The following PARD3B variants were observed in gnomAD, a reference collection of about 807,000 sequenced individuals.
The protein encoded by PARD3B is par-3 family cell polarity regulator beta.
Under a neutral mutation model 130.2 loss-of-function variants are expected in PARD3B, and 103 were observed. The ratio of observed to expected loss-of-function variants is 0.79; its 90% CI spans 0.67 to 0.93. The LOEUF (loss-of-function observed/expected upper bound fraction) is 0.93, where lower values mean the gene tolerates loss of function less well. Among genes scored for constraint, PARD3B ranks in the 40% least tolerant of loss-of-function variants. PARD3B has a pLI of 0.00. For synonymous variants in PARD3B, 583 were observed against 553.2 expected, an observed-to-expected ratio of 1.05 and a Z score of -0.76; for missense variants, 1,609 against 1,499.2, an observed-to-expected ratio of 1.07 and a Z score of -1.21.
At chr2:205,161,630 T>G (rs2034511640) in intron 11 of PARD3B, among the ~76,000 whole-genome samples, 1 of 152,242 alleles carries the variant, frequency 6.6e-6, no homozygotes, top group South Asian at 2.1e-4. Flanking sequence ...AAAATTGTTT[T>G]GAGACTTTGT....
intron 20 of PARD3B, among the ~76,000 whole-genome samples, chr2:205,498,211 A>C (rs1180847302): frequency 1.3e-5 from 2 of 150,302 alleles, no homozygotes. Context: ...AAAAAAAAAA[A>C]AAAAAACAGG....
rs540235001 is a variant in PARD3B, at chr2:205,070,159, A to G, written c.504+22469A>G. On this transcript the variant is annotated intron_variant, in intron 4 of 22. Coordinates refer to ENST00000406610, the MANE Select transcript of PARD3B (RefSeq NM_001302769.2). ...TCATTCTCAGCCCTGTTGCTTAGTG[A>G]GTGGTCTGCAAAAGGACCCTACTTG... Among the ~76,000 whole-genome samples the G allele has an allele frequency of 3.3e-5, 5 of 152,136 alleles. No individual in the cohort carries two copies. In the South Asian group the frequency reaches 1.0e-3, roughly 32 times the overall value.
chr2:205,202,964 AG>A (rs1181742998), intron 15 of PARD3B, among the ~76,000 whole-genome samples: 1 of 152,148 alleles, frequency 6.6e-6, no homozygotes, highest in East Asian at 1.9e-4. Flanking sequence ...TATATCCTTA[AG>A]TCAATAATGG....
chr2:204,676,828 C>A (rs1345202402), intron 1 of PARD3B, among the ~76,000 whole-genome samples: 1 of 151,950 alleles, frequency 6.6e-6, no homozygotes, highest in African/African-American at 2.4e-5. Context: ...TGCCACCACG[C>A]CCAGCTAATT....
intron 1 of PARD3B, among the ~76,000 whole-genome samples, chr2:204,628,796 A>C (rs2034576341): frequency 1.3e-5 from 2 of 152,306 alleles, no homozygotes; most frequent in East Asian, 3.9e-4. Flanking sequence ...TTATCTGTAG[A>C]TGGGAAATGA....
chr2:204,842,590 G>A (rs1025589468), intron 2 of PARD3B, among the ~76,000 whole-genome samples: 12 of 152,054 alleles, frequency 7.9e-5, no homozygotes, highest in African/African-American at 2.2e-4. Context: ...ACATTAAGGG[G>A]GTTTTTCCCA....
chr2:204,721,597 T>C (rs1043637789), intron 2 of PARD3B, among the ~76,000 whole-genome samples: 1 of 152,182 alleles, frequency 6.6e-6, no homozygotes, highest in African/African-American at 2.4e-5. Context: ...TGGCACAATA[T>C]TTCGATGGCA....
chr2:205,088,759 A>C (rs1166583081), intron 4 of PARD3B, among the ~76,000 whole-genome samples: 4 of 151,302 alleles, frequency 2.6e-5, no homozygotes, highest in Non-Finnish European at 2.9e-5. Context: ...ACTGCCAATC[A>C]TAATGCAAAG....
At chr2:205,527,256 T>G (rs2051378045) in intron 21 of PARD3B, among the ~76,000 whole-genome samples, 1 of 151,882 alleles carries the variant, frequency 6.6e-6, no homozygotes, top group Non-Finnish European at 1.5e-5. Flanking sequence ...CTGCAGGGAG[T>G]GTGGGTTAGC....
At chr2:205,267,857 A>C (rs2040570885) in intron 16 of PARD3B, among the ~76,000 whole-genome samples, 1 of 152,182 alleles carries the variant, frequency 6.6e-6, no homozygotes, top group South Asian at 2.1e-4. Context: ...TTTGGTTTTA[A>C]GAAGGTAAAA....
At chr2:204,580,097 G>A (rs1246057481) in intron 1 of PARD3B, among the ~76,000 whole-genome samples, 1 of 152,164 alleles carries the variant, frequency 6.6e-6, no homozygotes, top group Non-Finnish European at 1.5e-5. Context: ...TGACCCAGGG[G>A]GACCCATAGT....
chr2:204,690,497 A>G (rs1025686729), intron 2 of PARD3B, among the ~76,000 whole-genome samples: 1 of 152,138 alleles, frequency 6.6e-6, no homozygotes, highest in African/African-American at 2.4e-5. Context: ...TATTAGAGAG[A>G]TAAATGTGAG....
At chr2:205,497,059 T>C (rs891448199) in intron 20 of PARD3B, among the ~76,000 whole-genome samples, 1 of 152,108 alleles carries the variant, frequency 6.6e-6, no homozygotes, top group Admixed American at 6.6e-5. Flanking sequence ...TGTGCTGCTT[T>C]TCCTGCCTGC....
intron 18 of PARD3B, among the ~76,000 whole-genome samples, chr2:205,357,441 G>A (rs2044236461): frequency 6.6e-6 from 1 of 152,178 alleles, no homozygotes; most frequent in Non-Finnish European, 1.5e-5. Flanking sequence ...CTATGCGTTA[G>A]GGAAGAGAAA....
intron 18 of PARD3B, among the ~76,000 whole-genome samples, chr2:205,315,878 A>G (rs1469425820): frequency 2.0e-5 from 3 of 152,006 alleles, no homozygotes; most frequent in East Asian, 3.9e-4. Flanking sequence ...TCTCCTTCCC[A>G]TCAAATTTTT....
intron 19 of PARD3B, among the ~76,000 whole-genome samples, chr2:205,424,216 C>T (rs1014144240): frequency 4.6e-5 from 7 of 152,096 alleles, no homozygotes; most frequent in Non-Finnish European, 7.4e-5. Context: ...ATGCAGAGAA[C>T]GTGACTTTTC....
At chr2:204,643,007 G>A (rs1322493777) in intron 1 of PARD3B, among the ~76,000 whole-genome samples, 8 of 149,332 alleles carry the variant, frequency 5.4e-5, no homozygotes, top group African/African-American at 1.7e-4. Flanking sequence ...CCAGCTACTC[G>A]GGAGGCTGAG....
At chr2:205,580,902 A>C (rs1303293049) in intron 22 of PARD3B, among the ~76,000 whole-genome samples, 2 of 152,190 alleles carry the variant, frequency 1.3e-5, no homozygotes, top group Non-Finnish European at 2.9e-5. Flanking sequence ...AAATTTCACT[A>C]TAAATTATTC....
At chr2:205,098,983 T>G (rs959743507) in intron 4 of PARD3B, among the ~76,000 whole-genome samples, 3 of 152,190 alleles carry the variant, frequency 2.0e-5, no homozygotes, top group African/African-American at 7.2e-5. Flanking sequence ...TAAACTTGTC[T>G]GTTGTGAGAG....
Sources: gnomAD v4.1 joint callset for allele counts (sites outside exome capture counted in the v4.1 genomes callset) on GRCh38, gnomAD v4.1.1 for gene constraint, MANE v1.5 for transcripts, NCBI Gene and HGNC (gene_info 2026-07-23, HGNC 2026-07-21) for gene names.